BMP2K: variants seen among roughly 807,000 people sequenced by gnomAD.
The protein encoded by BMP2K is BMP-2-inducible protein kinase.
In BMP2K, 74 loss-of-function variants were observed where a neutral mutation model predicts 116.0. The observed-to-expected ratio is 0.64, with a 90% CI of 0.53 to 0.77. BMP2K has a LOEUF of 0.77. Ranked by LOEUF, BMP2K falls within the 30% of genes least tolerant of loss-of-function variation. The pLI, the probability that BMP2K is intolerant of heterozygous loss-of-function variation, is 0.00. For missense variants in BMP2K, 1,365 were observed against 1,403.6 expected, an observed-to-expected ratio of 0.97 and a Z score of 0.44; for synonymous variants, 486 against 502.5, an observed-to-expected ratio of 0.97 and a Z score of 0.44.
At chr4:78,805,561 C>T (rs1265208383) in intron 1 of BMP2K, among the ~76,000 whole-genome samples, 1 of 152,088 alleles carries the variant, frequency 6.6e-6, no homozygotes, top group Non-Finnish European at 1.5e-5. Flanking sequence ...TTATAGTTTT[C>T]AGCATACAAA....
rs142993835 is a variant in BMP2K at position 78,838,719 on chromosome 4, A to C, written c.404-3666A>C. ...GGACATTGGCTTTTATTATGTAGGG[A>C]TAAAACTGTACAGAGAGTAAAACAA... On this transcript the variant is annotated intron_variant, in intron 3 of 15. Coordinates refer to ENST00000502613, the MANE Select transcript of BMP2K (RefSeq NM_198892.2). 3.5e-4 allele frequency among the ~76,000 whole-genome samples: 54 copies of C among 152,366 alleles called. No homozygotes were observed. In the East Asian group the frequency reaches 9.4e-3, roughly 27 times the overall value.
Position 78,835,469 on chromosome 4 carries a change from C to CA in BMP2K, c.403+1791dup, listed in dbSNP as rs200721103. Among the ~76,000 whole-genome samples the CA allele has an allele frequency of 4.8e-3, 716 of 150,146 alleles. 2 individuals are homozygous for CA. The highest frequency in any genetic ancestry group is 0.016 in the African/African-American group (646 of 41,018). On this transcript the variant is annotated intron_variant, in intron 3 of 15. Coordinates refer to ENST00000502613, the MANE Select transcript of BMP2K (RefSeq NM_198892.2). ...TGAAACCCTGTCTCTACTAAAAATA[C>CA]AAAAAAAAAGTTAGCCGAGCGTTGT...
Position 78,902,794 on chromosome 4 carries a change from A to G in BMP2K, c.2063-7816A>G, listed in dbSNP as rs147894330. Among the ~76,000 whole-genome samples, 352 of 152,280 alleles carry G rather than the reference A, an allele frequency of 2.3e-3. 2 individuals carry two copies. The highest frequency in any genetic ancestry group is 4.4e-3 in the Non-Finnish European group (300 of 68,006). On this transcript the variant is annotated intron_variant, in intron 15 of 15. Coordinates refer to ENST00000502613, the MANE Select transcript of BMP2K (RefSeq NM_198892.2). ...ATTCTAGAAGAGCGGTAATATGCAT[A>G]GTATGATGCAAACATGCTTCTCTCT...
intron 7 of BMP2K, among the ~76,000 whole-genome samples, chr4:78,856,346 G>A (rs1731505310): frequency 6.6e-6 from 1 of 151,948 alleles, no homozygotes; most frequent in Non-Finnish European, 1.5e-5. Flanking sequence ...CACCATGCCT[G>A]GCTGAAATGT....
chr4:78,794,187 G>A (rs1216842382), intron 1 of BMP2K, among the ~76,000 whole-genome samples: 2 of 151,988 alleles, frequency 1.3e-5, no homozygotes, highest in South Asian at 2.1e-4. Context: ...GGATCTGGGG[G>A]GGAATCCCTT....
chr4:78,865,643 G>A lies in BMP2K; in HGVS notation c.1154G>A (p.Ser385Asn). 6.2e-7 allele frequency: 1 copy of A among 1,614,114 alleles called. No homozygotes were observed. ...KANSATTATP[S>N]VLTIQSSATP... Reference sequence around the variant, plus strand: ...AACTCTGCTACTACTGCCACTCCCAGTGTGCTGACCATTCAAAGTTCAGCA... The same window carrying A: ...AACTCTGCTACTACTGCCACTCCCAATGTGCTGACCATTCAAAGTTCAGCA... Residue 385 changes from serine (S) to asparagine (N), a missense_variant, in exon 10 of 16, where the codon AGT (serine) becomes AAT (asparagine). Transcript: ENST00000502613.
intron 15 of BMP2K, among the ~76,000 whole-genome samples, chr4:78,899,655 ATT>A (rs538919816): frequency 2.3e-4 from 34 of 146,212 alleles, no homozygotes; most frequent in African/African-American, 7.9e-4. Flanking sequence ...TGAAGAAAGA[ATT>A]TTTTTTTTTT....
intron 15 of BMP2K, among the ~76,000 whole-genome samples, chr4:78,905,010 G>A (rs6534058): frequency 0.048 from 7,336 of 151,696 alleles, 561 homozygotes; most frequent in African/African-American, 0.17. Context: ...CTATATTTTT[G>A]TATAAATATG....
intron 1 of BMP2K, among the ~76,000 whole-genome samples, chr4:78,793,972 A>T (rs924286133): frequency 7.2e-5 from 11 of 152,186 alleles, no homozygotes; most frequent in African/African-American, 2.7e-4. Context: ...TATACAGTTT[A>T]CAGTGTATAG....
intron 13 of BMP2K, among the ~76,000 whole-genome samples, chr4:78,876,046 G>A (rs1346456842): frequency 2.6e-5 from 4 of 152,194 alleles, no homozygotes; most frequent in African/African-American, 9.6e-5. Flanking sequence ...AGGAATGTCA[G>A]ATAACTTGTA....
intron 3 of BMP2K, among the ~76,000 whole-genome samples, chr4:78,834,662 A>G (rs972763376): frequency 6.6e-6 from 1 of 152,198 alleles, no homozygotes; most frequent in African/African-American, 2.4e-5. Flanking sequence ...CCTGGTTTAC[A>G]TTTACATTCT....
At chr4:78,872,493 TGTTTTTTAC>T (rs1276265778) in intron 12 of BMP2K, 112 bp from the exon 13 acceptor site, 1 of 851,784 alleles carries the variant, frequency 1.2e-6, no homozygotes, top group African/African-American at 1.7e-5. Context: ...TGTAGATGAT[TGTTTTTTAC>T]GTTTCTGATT....
chr4:78,815,622 A>G (rs1266123173), intron 1 of BMP2K, among the ~76,000 whole-genome samples: 1 of 150,964 alleles, frequency 6.6e-6, no homozygotes, highest in African/African-American at 2.4e-5. Context: ...ATTAAAATAT[A>G]CAGAAGTTGA....
At chr4:78,840,801 G>C (rs1338920281) in intron 3 of BMP2K, among the ~76,000 whole-genome samples, 2 of 152,038 alleles carry the variant, frequency 1.3e-5, no homozygotes, top group African/African-American at 2.4e-5. Context: ...AGAAGAAAGG[G>C]AATTAAAGTT....
intron 3 of BMP2K, among the ~76,000 whole-genome samples, chr4:78,840,716 C>T (rs1476600503): frequency 6.6e-6 from 1 of 151,596 alleles, no homozygotes; most frequent in East Asian, 1.9e-4. Flanking sequence ...GAAATTCAGC[C>T]CAAATATAGT....
At position 78,871,118 on chromosome 4, in the gene BMP2K, A is replaced by G. The variant is rs1173604654; in HGVS notation, c.1509+58A>G. 6 of 1,575,454 alleles carry G rather than the reference A, an allele frequency of 3.8e-6. No homozygotes were observed. In the African/African-American group the frequency reaches 5.4e-5, roughly 14 times the overall value. ...GTGTGAAATTGATGCAGCAAATTGA[A>G]TATCAGTGAATTCCTTTTTGTATCA... On this transcript the variant is annotated intron_variant, in intron 11 of 15. Coordinates refer to ENST00000502613, the MANE Select transcript of BMP2K (RefSeq NM_198892.2).
chr4:78,803,709 G>C (rs1191937161), intron 1 of BMP2K, among the ~76,000 whole-genome samples: 2 of 152,136 alleles, frequency 1.3e-5, no homozygotes, highest in Non-Finnish European at 2.9e-5. Flanking sequence ...GCCATTACTA[G>C]AGAATTACTT....
chr4:78,798,813 A>T (rs183788015), intron 1 of BMP2K, among the ~76,000 whole-genome samples: 16 of 152,318 alleles, frequency 1.1e-4, no homozygotes, highest in African/African-American at 3.4e-4. Context: ...GTGATTTCAC[A>T]TTGAGGCTAA....
intron 1 of BMP2K, among the ~76,000 whole-genome samples, chr4:78,818,814 T>C (rs1290339420): frequency 6.7e-6 from 1 of 149,478 alleles, no homozygotes; most frequent in Non-Finnish European, 1.5e-5. Context: ...TTTTTCTTCC[T>C]GAGACAGAGT....
Sources: allele counts gnomAD v4.1 joint callset (sites outside exome capture counted in the v4.1 genomes callset), GRCh38; gene constraint gnomAD v4.1.1; transcripts MANE v1.5; gene names NCBI Gene and HGNC (gene_info 2026-07-23, HGNC 2026-07-21).